Variants in EEA1 observed in about 807,000 individuals in gnomAD.
EEA1 encodes the protein early endosome antigen 1, 162kD.
EEA1 carries 111 observed loss-of-function variants against 209.2 expected under a neutral mutation model. The observed-to-expected ratio is 0.53, with a 90% confidence interval of 0.45 to 0.62. EEA1 has a LOEUF of 0.62. EEA1 is among the 20% of genes least tolerant of loss of function. The pLI, the probability that EEA1 is intolerant of heterozygous loss-of-function variation, is 0.00. For missense variants in EEA1, 1,343 were observed against 1,530.8 expected (o/e 0.88, Z 2.05); for synonymous variants, 536 against 540.6 (o/e 0.99, Z 0.12).
intron 1 of EEA1, among the ~76,000 whole-genome samples, chr12:92,910,379 G>T (rs1880536592): frequency 2.0e-5 from 3 of 151,194 alleles, no homozygotes; most frequent in African/African-American, 7.3e-5. Flanking sequence ...TGAGGCAGGA[G>T]AATCGCTTGA....
intron 1 of EEA1, among the ~76,000 whole-genome samples, chr12:92,916,685 G>A (rs548607079): frequency 5.2e-5 from 6 of 114,398 alleles, no homozygotes; most frequent in East Asian, 2.0e-4. Flanking sequence ...AAATCAGAGC[G>A]CCTCTCCTCC....
At chr12:92,831,581 TATATAAA>T (rs895857559) in intron 11 of EEA1, among the ~76,000 whole-genome samples, 1 of 145,380 alleles carries the variant, frequency 6.9e-6, no homozygotes, top group African/African-American at 2.6e-5. Flanking sequence ...ATATACTATA[TATATAAA>T]ATATATATTT....
intron 1 of EEA1, among the ~76,000 whole-genome samples, chr12:92,917,545 G>A (rs113772856): frequency 0.015 from 2,336 of 150,950 alleles, 36 homozygotes; most frequent in Middle Eastern, 0.07. Context: ...AGCAAATGCT[G>A]AGAGATTTTG....
intron 2 of EEA1, among the ~76,000 whole-genome samples, chr12:92,886,557 G>GGAAGGGAGGGGAGA (rs1336543335): frequency 1.5e-5 from 1 of 66,148 alleles, no homozygotes; most frequent in East Asian, 6.5e-4. Context: ...GGAGGGAAGG[G>GGAAGGGAGGGGAGA]GAAGGGAGGG....
At chr12:92,845,345 C>T (rs1403264340) in intron 9 of EEA1, among the ~76,000 whole-genome samples, 1 of 151,994 alleles carries the variant, frequency 6.6e-6, no homozygotes, top group African/African-American at 2.4e-5. Flanking sequence ...TAATCTTTTA[C>T]AATAATCACA....
At chr12:92,817,484 A>G (rs1392342572) in intron 14 of EEA1, among the ~76,000 whole-genome samples, 1 of 152,024 alleles carries the variant, frequency 6.6e-6, no homozygotes, top group African/African-American at 2.4e-5. Flanking sequence ...TTCAGCCTCT[A>G]GAGTAGCTGG....
At chr12:92,842,851 T>C (rs568680509) in intron 9 of EEA1, among the ~76,000 whole-genome samples, 26 of 152,326 alleles carry the variant, frequency 1.7e-4, no homozygotes, top group African/African-American at 6.3e-4. Context: ...AAGTATCAAA[T>C]TGCAAACCTA....
At chr12:92,812,639 C>T (rs1039855034) in intron 16 of EEA1, among the ~76,000 whole-genome samples, 1 of 152,122 alleles carries the variant, frequency 6.6e-6, no homozygotes, top group African/African-American at 2.4e-5. Flanking sequence ...TGGTCTGCCC[C>T]ATCCAATCAC....
intron 3 of EEA1, among the ~76,000 whole-genome samples, chr12:92,859,935 A>G (rs1427414339): frequency 1.3e-5 from 2 of 152,194 alleles, no homozygotes; most frequent in African/African-American, 4.8e-5. Flanking sequence ...TCAGTCTTGT[A>G]TGTAACGCAA....
chr12:92,920,725 A>G (rs981991158), intron 1 of EEA1, among the ~76,000 whole-genome samples: 9 of 151,926 alleles, frequency 5.9e-5, no homozygotes, highest in Admixed American at 4.6e-4. Flanking sequence ...AAGCAATGGC[A>G]ACAAAAGACA....
At chr12:92,883,087 A>G (rs1738903274) in intron 2 of EEA1, among the ~76,000 whole-genome samples, 1 of 152,174 alleles carries the variant, frequency 6.6e-6, no homozygotes, top group South Asian at 2.1e-4. Flanking sequence ...TTGTTTTTTA[A>G]TATTTTAATA....
At chr12:92,898,568 G>A (rs1437000879) in intron 1 of EEA1, among the ~76,000 whole-genome samples, 1 of 151,628 alleles carries the variant, frequency 6.6e-6, no homozygotes, top group Non-Finnish European at 1.5e-5. Flanking sequence ...GGAGGCTGAG[G>A]CAGGAGAATT....
At chr12:92,894,588 A>G (rs1879790229) in intron 1 of EEA1, among the ~76,000 whole-genome samples, 1 of 152,260 alleles carries the variant, frequency 6.6e-6, no homozygotes, top group Non-Finnish European at 1.5e-5. Flanking sequence ...CCAGCCATTA[A>G]CGTTCCCTTA....
intron 13 of EEA1, among the ~76,000 whole-genome samples, chr12:92,821,782 ATCTT>A (rs1435525747): frequency 6.6e-6 from 1 of 151,274 alleles, no homozygotes; most frequent in Non-Finnish European, 1.5e-5. Flanking sequence ...GGAATGATCA[ATCTT>A]TATTTTCCAA....
chr12:92,790,990 T>C (rs145758199), intron 21 of EEA1, among the ~76,000 whole-genome samples: 2,423 of 152,250 alleles, frequency 0.016, 40 homozygotes, highest in Non-Finnish European at 0.023. Flanking sequence ...AAGAAAACAA[T>C]TTTCAACCCA....
intron 1 of EEA1, 47 bp downstream of exon 1, chr12:92,928,996 G>A: frequency 1.3e-6 from 2 of 1,562,444 alleles, no homozygotes; most frequent in Non-Finnish European, 8.7e-7. Context: ...CCCGAGCTCC[G>A]GCTGTCCCGC....
chr12:92,923,264 C>T (rs1439975772), intron 1 of EEA1, among the ~76,000 whole-genome samples: 2 of 152,066 alleles, frequency 1.3e-5, no homozygotes, highest in Non-Finnish European at 2.9e-5. Flanking sequence ...AGGAGAATGG[C>T]GTGAACCCGG....
intron 11 of EEA1, among the ~76,000 whole-genome samples, chr12:92,829,789 A>C (rs1382275831): frequency 1.4e-5 from 2 of 141,568 alleles, no homozygotes; most frequent in African/African-American, 5.1e-5. Context: ...AAAAAAAAAA[A>C]AAAAAAACAA....
rs1874086737 is a variant in EEA1 at position 92,785,377 on chromosome 12, G to C, written c.3150+2490C>G. 2.6e-5 allele frequency among the ~76,000 whole-genome samples: 4 copies of C among 152,272 alleles called. No individual in the cohort carries two copies. The South Asian group carries it at 8.3e-4, about 32-fold the overall frequency. On this transcript the variant is annotated intron_variant, in intron 22 of 28. Transcript: ENST00000322349. ...CCCATGCTCTACACTGTCAACCCAT[G>C]GTAGATAGCCTTGAAGTAGTTAGGT...
Sources: gnomAD v4.1 joint callset for allele counts (sites outside exome capture counted in the v4.1 genomes callset) on GRCh38, gnomAD v4.1.1 for gene constraint, MANE v1.5 for transcripts, NCBI Gene and HGNC (gene_info 2026-07-23, HGNC 2026-07-21) for gene names.